The following RPSA2 variants were observed in gnomAD, a reference collection of about 807,000 sequenced individuals.
RPSA2 encodes ribosomal protein SA 2, also known as small ribosomal subunit protein uS2B.
At chr19:23,870,434 G>A in the RPSA2 span, among the ~76,000 whole-genome samples, 1 of 151,990 alleles carries the variant, frequency 6.6e-6, no homozygotes, top group Non-Finnish European at 1.5e-5. Flanking sequence ...AACCAACTTA[G>A]AATATAACCA....
chr19:23,795,085 G>A, the RPSA2 span, among the ~76,000 whole-genome samples: 3 of 151,930 alleles, frequency 2.0e-5, no homozygotes, highest in Admixed American at 2.0e-4. Context: ...TAGCTCTGTA[G>A]TATAATTTGA....
chr19:23,770,377 T>C, the RPSA2 span, among the ~76,000 whole-genome samples: 1 of 152,130 alleles, frequency 6.6e-6, no homozygotes, highest in South Asian at 2.1e-4. Context: ...ACTTAGGTGA[T>C]ATAACTTTAT....
At chr19:23,761,299 T>C in the RPSA2 span, among the ~76,000 whole-genome samples, 1 of 152,070 alleles carries the variant, frequency 6.6e-6, no homozygotes, top group Non-Finnish European at 1.5e-5. Flanking sequence ...AGACTGGTCT[T>C]GAACCCCTGG....
At chr19:23,781,363 A>T in the RPSA2 span, among the ~76,000 whole-genome samples, 1 of 151,784 alleles carries the variant, frequency 6.6e-6, no homozygotes, top group Non-Finnish European at 1.5e-5. Flanking sequence ...TTTGAGATGG[A>T]GTTTCGCTCT....
the RPSA2 span, among the ~76,000 whole-genome samples, chr19:23,843,546 AT>A: frequency 6.6e-6 from 1 of 152,184 alleles, no homozygotes; most frequent in Non-Finnish European, 1.5e-5. Context: ...ACTGCATGAT[AT>A]ACCTGCTCTT....
At chr19:23,832,663 C>G in the RPSA2 span, 2 of 1,471,880 alleles carry the variant, frequency 1.4e-6, no homozygotes, top group African/African-American at 2.8e-5. Flanking sequence ...CAAAGCATTT[C>G]TATGGTTCAT....
chr19:23,859,208 T>A, the RPSA2 span, among the ~76,000 whole-genome samples: 1 of 152,196 alleles, frequency 6.6e-6, no homozygotes, highest in Non-Finnish European at 1.5e-5. Context: ...AGGCCACTGA[T>A]GCAAAGTGCA....
the RPSA2 span, among the ~76,000 whole-genome samples, chr19:23,869,682 G>T: frequency 1.1e-4 from 16 of 152,132 alleles, no homozygotes; most frequent in Admixed American, 1.0e-3. Flanking sequence ...GGATTGCTTG[G>T]CATGGAGCAG....
chr19:23,850,541 C>T, the RPSA2 span, among the ~76,000 whole-genome samples: 2 of 149,860 alleles, frequency 1.3e-5, no homozygotes, highest in Non-Finnish European at 3.0e-5. Context: ...AGGGTGGTCT[C>T]TGACACAGAC....
chr19:23,786,232 T>A, the RPSA2 span, among the ~76,000 whole-genome samples: 1 of 152,228 alleles, frequency 6.6e-6, no homozygotes, highest in Non-Finnish European at 1.5e-5. Context: ...AGTACTGTAC[T>A]TAGACCCAAC....
chr19:23,867,703 G>A, the RPSA2 span, among the ~76,000 whole-genome samples: 17 of 152,120 alleles, frequency 1.1e-4, no homozygotes, highest in African/African-American at 2.9e-4. Flanking sequence ...GGTGGCGGGC[G>A]CCTGTAGTCC....
the RPSA2 span, among the ~76,000 whole-genome samples, chr19:23,866,472 C>T: frequency 1.3e-5 from 2 of 151,886 alleles, no homozygotes; most frequent in Admixed American, 1.3e-4. Context: ...AAAAGGAATG[C>T]CACCCCAGAC....
the RPSA2 span, among the ~76,000 whole-genome samples, chr19:23,761,934 T>TCCTTCCTTCCTTCCTTCC: frequency 1.5e-5 from 2 of 129,896 alleles, no homozygotes; most frequent in Admixed American, 8.1e-5. Flanking sequence ...TTTTTTTTTT[T>TCCTTCCTTCCTTCCTTCC]TGAGATGGAG....
chr19:23,796,472 T>C, the RPSA2 span, among the ~76,000 whole-genome samples: 2 of 152,058 alleles, frequency 1.3e-5, no homozygotes, highest in Non-Finnish European at 2.9e-5. Context: ...AATGCTGTTC[T>C]TATATAATAA....
At chr19:23,789,019 C>CTTTTTTTTTTTTTTTTTTTTTTT in the RPSA2 span, among the ~76,000 whole-genome samples, 42 of 112,616 alleles carry the variant, frequency 3.7e-4, 3 homozygotes, top group East Asian at 5.2e-4. Flanking sequence ...TTTTTTCTTT[C>CTTTTTTTTTTTTTTTTTTTTTTT]TTTCTTTTTT....
the RPSA2 span, among the ~76,000 whole-genome samples, chr19:23,846,617 G>A: frequency 6.6e-6 from 1 of 152,126 alleles, no homozygotes; most frequent in African/African-American, 2.4e-5. Flanking sequence ...CTTCACTTGT[G>A]AAGGTTAATC....
At chr19:23,864,102 C>A in the RPSA2 span, among the ~76,000 whole-genome samples, 1 of 152,148 alleles carries the variant, frequency 6.6e-6, no homozygotes, top group Non-Finnish European at 1.5e-5. Context: ...GCAGAGCATC[C>A]ATTTTCCTGT....
the RPSA2 span, among the ~76,000 whole-genome samples, chr19:23,763,606 T>C: frequency 2.6e-5 from 4 of 151,974 alleles, no homozygotes; most frequent in Non-Finnish European, 5.9e-5. Context: ...GAAGCTGGGA[T>C]TACAGACCTG....
the RPSA2 span, among the ~76,000 whole-genome samples, chr19:23,783,353 C>T: frequency 2.6e-5 from 4 of 151,956 alleles, no homozygotes; most frequent in African/African-American, 9.7e-5. Flanking sequence ...TCTTAGCCTC[C>T]CACAGTGCTG....
Sources: allele counts gnomAD v4.1 joint callset (sites outside exome capture counted in the v4.1 genomes callset), GRCh38; gene constraint gnomAD v4.1.1; transcripts MANE v1.5; gene names NCBI Gene and HGNC (gene_info 2026-07-23, HGNC 2026-07-21).